The following PEAK1 variants were observed in gnomAD, a reference collection of about 807,000 sequenced individuals.
The protein encoded by PEAK1 is pseudopodium enriched atypical kinase 1, also known as inactive tyrosine-protein kinase PEAK1.
PEAK1 carries 54 observed loss-of-function variants against 124.7 expected under a neutral mutation model. The observed-to-expected ratio is 0.43, with a 90% confidence interval of 0.35 to 0.54. PEAK1 has a LOEUF of 0.54. Ranked by LOEUF, PEAK1 falls within the 20% of genes least tolerant of loss-of-function variation. The pLI, the probability that PEAK1 is intolerant of heterozygous loss-of-function variation, is 0.01. For missense variants in PEAK1, 2,046 were observed against 2,134.5 expected (o/e 0.96, Z 0.82); for synonymous variants, 719 against 760.0 (o/e 0.95, Z 0.89).
chr15:77,338,618 C>T (rs1212148949), intron 2 of PEAK1, among the ~76,000 whole-genome samples: 1 of 116,252 alleles, frequency 8.6e-6, no homozygotes, highest in East Asian at 2.6e-4. Flanking sequence ...AAAACATACA[C>T]CACATGAAAA....
At chr15:77,320,274 T>C (rs773445232) in intron 2 of PEAK1, among the ~76,000 whole-genome samples, 2 of 152,164 alleles carry the variant, frequency 1.3e-5, no homozygotes, top group Non-Finnish European at 2.9e-5. Context: ...ATAAAATGTC[T>C]ATCCCCACCA....
chr15:77,182,393 T>C (rs1453931715), intron 6 of PEAK1, among the ~76,000 whole-genome samples: 2 of 152,050 alleles, frequency 1.3e-5, no homozygotes, highest in African/African-American at 4.8e-5. Context: ...ATTCCTCTTC[T>C]TCCACCTACC....
chr15:77,222,527 ATAAAT>A (rs1373721655), intron 6 of PEAK1, among the ~76,000 whole-genome samples: 3 of 152,096 alleles, frequency 2.0e-5, no homozygotes, highest in African/African-American at 4.8e-5. Flanking sequence ...TGAGAGTCAA[ATAAAT>A]TAAGTAACTT....
At chr15:77,171,817 A>C (rs1279726780) in intron 7 of PEAK1, among the ~76,000 whole-genome samples, 1 of 152,204 alleles carries the variant, frequency 6.6e-6, no homozygotes, top group Non-Finnish European at 1.5e-5. Context: ...TGTATAATTT[A>C]AGTATTAAAT....
At chr15:77,355,787 C>T (rs749679105) in intron 2 of PEAK1, 2 of 985,322 alleles carry the variant, frequency 2.0e-6, no homozygotes, top group Non-Finnish European at 2.4e-6. Flanking sequence ...AAGTTTACCT[C>T]GATTCCAATT....
chr15:77,402,662 A>G, intron 1 of PEAK1: 2 of 985,338 alleles, frequency 2.0e-6, no homozygotes, highest in Non-Finnish European at 2.4e-6. Context: ...CTACTCCCAT[A>G]GTGTATCGTT....
chr15:77,347,446 T>C (rs549430752), intron 2 of PEAK1: 37 of 985,332 alleles, frequency 3.8e-5, no homozygotes, highest in Middle Eastern at 1.0e-3. Context: ...AGCAATATTG[T>C]TCTAGATAAG....
intron 6 of PEAK1, among the ~76,000 whole-genome samples, chr15:77,236,114 CCACA>C (rs1193086291): frequency 1.3e-5 from 2 of 152,210 alleles, no homozygotes; most frequent in Non-Finnish European, 2.9e-5. Context: ...GTTGGAGTCT[CCACA>C]CAGAGTCCCC....
At chr15:77,417,933 G>A (rs2073021104) in intron 1 of PEAK1, 3 of 976,040 alleles carry the variant, frequency 3.1e-6, no homozygotes, top group South Asian at 9.5e-5. Flanking sequence ...TAAGCTCTCA[G>A]ACTTAAATAT....
rs531302555 is a variant in PEAK1 at position 77,304,614 on chromosome 15, AT to A, written c.-602-18111del. On this transcript the variant is annotated intron_variant, in intron 2 of 9. Transcript: ENST00000682557. ...AGGTGCCCGCCACCACGTCCGGCCA[AT>A]TTTTTTGTATTTTTAGTAGAGATGG... Among the ~76,000 whole-genome samples, 200 of 151,674 alleles carry A rather than the reference AT, an allele frequency of 1.3e-3. 11 individuals carry two copies. The South Asian group carries it at 0.041, about 31-fold the overall frequency.
chr15:77,181,162 A>T lies in PEAK1; in HGVS notation c.765T>A (p.Ser255Arg). ...TCTCCATGGCCAACAGCTCTTCATC[A>T]CTCTCATCCCAACTCTCGTGCTCCT... ...MEEEHESWDESDEELLAMEIR... is the reference protein window; with the variant it reads ...MEEEHESWDERDEELLAMEIR... Residue 255 changes from serine to arginine, a missense_variant, in exon 7 of 10, where the codon AGT (serine) becomes AGA (arginine). By Grantham distance (110) the Ser-to-Arg change is moderately radical. Transcript: ENST00000682557. The T allele has an allele frequency of 6.2e-7, 1 of 1,613,982 alleles. No individual in the cohort carries two copies. The highest frequency in any genetic ancestry group is 1.1e-5 in the South Asian group (1 of 91,072).
chr15:77,246,564 A>G (rs971180068), intron 6 of PEAK1, among the ~76,000 whole-genome samples: 1 of 152,046 alleles, frequency 6.6e-6, no homozygotes, highest in Non-Finnish European at 1.5e-5. Context: ...TGAGCACAAT[A>G]TCTCTTTACT....
intron 1 of PEAK1, among the ~76,000 whole-genome samples, chr15:77,392,851 C>T (rs2141938313): frequency 6.6e-6 from 1 of 152,292 alleles, no homozygotes; most frequent in Admixed American, 6.5e-5. Context: ...AACTTCATAT[C>T]ACTGAAAGAG....
chr15:77,311,685 CAAAAAAAAAAA>C (rs11296386), intron 2 of PEAK1, among the ~76,000 whole-genome samples: 1 of 85,872 alleles, frequency 1.2e-5, no homozygotes, highest in Non-Finnish European at 2.2e-5. Flanking sequence ...CCAACCCCCA[CAAAAAAAAAAA>C]AAAAAAAAAA....
intron 2 of PEAK1, among the ~76,000 whole-genome samples, chr15:77,322,561 C>G (rs1250120327): frequency 1.3e-5 from 2 of 152,196 alleles, no homozygotes; most frequent in Non-Finnish European, 2.9e-5. Flanking sequence ...CTCTTACACC[C>G]TCCCAAGACT....
chr15:77,313,648 ATGTATGTGTGTGTGTGTGTG>A (rs1227976500), intron 2 of PEAK1, among the ~76,000 whole-genome samples: 1 of 87,608 alleles, frequency 1.1e-5, no homozygotes, highest in Non-Finnish European at 2.4e-5. Context: ...GTATGTATGT[ATGTATGTGTGTGTGTGTGTG>A]TGTGTGTGTG....
chr15:77,209,134 C>G (rs879439656), intron 6 of PEAK1, among the ~76,000 whole-genome samples: 1 of 152,028 alleles, frequency 6.6e-6, no homozygotes, highest in Non-Finnish European at 1.5e-5. Flanking sequence ...AAAATTGAAA[C>G]CAGATCTAAA....
At chr15:77,148,339 T>A (rs1386639702) in intron 8 of PEAK1, among the ~76,000 whole-genome samples, 1 of 152,142 alleles carries the variant, frequency 6.6e-6, no homozygotes, top group Non-Finnish European at 1.5e-5. Flanking sequence ...AATGTGAGAA[T>A]TACACAACAA....
rs141128620 is a variant in PEAK1, at chr15:77,279,792, T to C, written c.-275+4091A>G. Among the ~76,000 whole-genome samples the C allele has an allele frequency of 1.7e-4, 26 of 152,332 alleles. No individual in the cohort carries two copies. In the East Asian group the frequency reaches 4.6e-3, roughly 27 times the overall value. On this transcript the variant is annotated intron_variant, in intron 5 of 9. Transcript: ENST00000682557. ...TGCCCATGTCCTGCCTGAAATACCA[T>C]GATTATTTATGGAAGGTATCTTTAA...
Sources: gnomAD v4.1 joint callset for allele counts (sites outside exome capture counted in the v4.1 genomes callset) on GRCh38, gnomAD v4.1.1 for gene constraint, MANE v1.5 for transcripts, NCBI Gene and HGNC (gene_info 2026-07-23, HGNC 2026-07-21) for gene names.